The following TMEM266 variants were observed in gnomAD, a reference collection of about 807,000 sequenced individuals.
TMEM266 encodes Hv1 related protein 1.
A neutral mutation model predicts 50.5 loss-of-function variants in TMEM266; 33 were observed. The observed-to-expected ratio is 0.65, with a 90% CI of 0.50 to 0.87. TMEM266 has a LOEUF of 0.87. Ranked by LOEUF, TMEM266 falls within the 40% of genes least tolerant of loss-of-function variation. The pLI, the probability that TMEM266 is intolerant of heterozygous loss-of-function variation, is 0.00. For synonymous variants in TMEM266, 310 were observed against 292.3 expected (o/e 1.06, Z -0.62); for missense variants, 655 against 695.1 (o/e 0.94, Z 0.65).
chr15:76,184,725 C>T (rs1000248379), intron 8 of TMEM266, among the ~76,000 whole-genome samples: 6 of 152,272 alleles, frequency 3.9e-5, no homozygotes, highest in East Asian at 3.9e-4. Flanking sequence ...CCCGTCCTGC[C>T]GCCCCGGTGG....
At chr15:76,137,654 T>C (rs910487381) in intron 2 of TMEM266, 53 bp from the exon 3 acceptor site, 12 of 1,545,370 alleles carry the variant, frequency 7.8e-6, no homozygotes, top group Non-Finnish European at 8.9e-6. Context: ...AATGGAAGAA[T>C]TTTTTGGCCC....
At chr15:76,071,904 C>T (rs976529127) in intron 1 of TMEM266, among the ~76,000 whole-genome samples, 46 of 151,156 alleles carry the variant, frequency 3.0e-4, no homozygotes, top group Admixed American at 7.2e-4. Context: ...AGACCAGATT[C>T]GGCATTTTTT....
At position 76,161,048 on chromosome 15, in the gene TMEM266, TG is replaced by T. The variant is rs1253214348; in HGVS notation, c.456+881del. Among the ~76,000 whole-genome samples, 2 of 152,116 alleles carry T rather than the reference TG, an allele frequency of 1.3e-5. No homozygotes were observed. The highest frequency in any genetic ancestry group is 2.4e-5 in the African/African-American group (1 of 41,404). The stretch of plus-strand genomic sequence containing the variant: ...TGTCCCGTGCGCACTGGAGGGTCAC[TG>T]AAGGACAGGAGAGTTTCATGTGGAA... On this transcript the variant is annotated intron_variant, in intron 5 of 10. Transcript: ENST00000388942. This position sits in a 1 kb window ranked among gnomAD's most constrained non-coding sequence, Gnocchi z 4.1.
chr15:76,127,540 G>A (rs2037442556), intron 1 of TMEM266, among the ~76,000 whole-genome samples: 1 of 152,016 alleles, frequency 6.6e-6, no homozygotes, highest in Non-Finnish European at 1.5e-5. Context: ...TGGCCAAGCT[G>A]GCCTCTTACT....
intron 8 of TMEM266, chr15:76,180,934 G>C (rs2038394864): frequency 6.6e-6 from 1 of 152,178 alleles, no homozygotes; most frequent in African/African-American, 2.4e-5. Flanking sequence ...TTTTAAGAAA[G>C]ATTACATTGC....
At chr15:76,138,362 C>T (rs572256795) in intron 3 of TMEM266, among the ~76,000 whole-genome samples, 8 of 152,164 alleles carry the variant, frequency 5.3e-5, no homozygotes, top group Admixed American at 1.3e-4. Flanking sequence ...TTCCTACTCA[C>T]GCATTACTTC....
chr15:76,202,245 T>A lies in TMEM266; in HGVS notation c.1002T>A (p.Tyr334Ter). Residue 334 changes from tyrosine to a stop codon, truncating the protein, a stop_gained, in exon 10 of 11, where the codon TAT (tyrosine) becomes TAA (stop). Coordinates refer to ENST00000388942, the MANE Select transcript of TMEM266 (RefSeq NM_152335.3). LOFTEE classifies it low-confidence loss of function (END_TRUNC). ...ACATGAACAGCTACATCAGTCAGTA[T>A]TACAATGGGCCCAGCAGTGGTAAGT... is the stretch of plus-strand genomic sequence containing the variant. The A allele has an allele frequency of 6.2e-7, 1 of 1,613,914 alleles. No homozygotes were observed. Among genetic ancestry groups the A allele is most frequent in the Non-Finnish European group, 8.5e-7 (1 of 1,179,842 alleles).
intron 2 of TMEM266, among the ~76,000 whole-genome samples, chr15:76,137,083 C>T (rs2037601857): frequency 1.3e-5 from 2 of 152,074 alleles, no homozygotes; most frequent in African/African-American, 2.4e-5. Context: ...CCCCTATTCC[C>T]AACCTTAAGA....
intron 1 of TMEM266, among the ~76,000 whole-genome samples, chr15:76,074,008 A>G (rs2036572669): frequency 6.6e-6 from 1 of 151,314 alleles, no homozygotes; most frequent in Non-Finnish European, 1.5e-5. Context: ...GTCGAATACT[A>G]TTGCCACACT....
In TMEM266 at chr15:76,204,000, G is replaced by A. The variant is rs759324441; in HGVS notation, c.1281G>A (p.Pro427=). The A allele has an allele frequency of 6.8e-6, 11 of 1,608,260 alleles. No individual in the cohort carries two copies. The highest frequency in any genetic ancestry group is 2.2e-5 in the East Asian group (1 of 44,688). ...CCTCTGAGCCCGGCCCTTCTCCCCC[G>A]CCGCTGCCATCCCAGCAGCAGGTGG... Residue 427 remains proline (P), a synonymous_variant, in exon 11 of 11, where the codon CCG becomes CCA. Coordinates refer to ENST00000388942, the MANE Select transcript of TMEM266 (RefSeq NM_152335.3).
At chr15:76,126,623 C>T (rs2037427830) in intron 1 of TMEM266, among the ~76,000 whole-genome samples, 1 of 151,860 alleles carries the variant, frequency 6.6e-6, no homozygotes, top group South Asian at 2.1e-4. Context: ...CCTCCGCCTC[C>T]CGAGTTCAAG....
intron 1 of TMEM266, among the ~76,000 whole-genome samples, chr15:76,132,147 C>T (rs1187101055): frequency 1.3e-5 from 2 of 150,858 alleles, no homozygotes; most frequent in African/African-American, 4.9e-5. Flanking sequence ...CTCGCTCTGT[C>T]GCCTAGGCTG....
rs544957346 is a variant in TMEM266 at position 76,171,705 on chromosome 15, C to G, written c.652+574C>G. Among the ~76,000 whole-genome samples the G allele has an allele frequency of 1.4e-4, 22 of 152,350 alleles. No homozygotes were observed. In the South Asian group the frequency reaches 3.9e-3, roughly 27 times the overall value. On this transcript the variant is annotated intron_variant, in intron 7 of 10. Coordinates refer to ENST00000388942, the MANE Select transcript of TMEM266 (RefSeq NM_152335.3). ...GCTTCTGTCATCTTTAGTGACGTGC[C>G]TTTCCATCCCTGGGTCTCCATTTGC...
chr15:76,202,394 C>A, intron 10 of TMEM266, 130 bp downstream of exon 10: 1 of 808,862 alleles, frequency 1.2e-6, no homozygotes, highest in South Asian at 2.0e-5. Context: ...AGGCAGTGCT[C>A]AAGGTTAAAA....
intron 1 of TMEM266, among the ~76,000 whole-genome samples, chr15:76,130,374 C>T (rs2037490926): frequency 6.6e-6 from 1 of 151,092 alleles, no homozygotes. Context: ...CCCGTCTCTA[C>T]TAATAATATA....
chr15:76,181,107 C>G (rs963422009), intron 8 of TMEM266: 2 of 152,184 alleles, frequency 1.3e-5, no homozygotes, highest in African/African-American at 4.8e-5. Context: ...GATGAAAGGT[C>G]CCTGGGGAGG....
At chr15:76,121,332 A>T (rs928797513) in intron 1 of TMEM266, among the ~76,000 whole-genome samples, 1 of 152,218 alleles carries the variant, frequency 6.6e-6, no homozygotes, top group African/African-American at 2.4e-5. Flanking sequence ...ATAATGTATC[A>T]GTGCTCTATT....
intron 1 of TMEM266, among the ~76,000 whole-genome samples, chr15:76,132,144 T>C (rs1233673081): frequency 1.3e-5 from 2 of 151,948 alleles, no homozygotes; most frequent in African/African-American, 4.8e-5. Flanking sequence ...AGTCTCGCTC[T>C]GTCGCCTAGG....
At chr15:76,083,995 T>C (rs535524525) in intron 1 of TMEM266, among the ~76,000 whole-genome samples, 1 of 152,226 alleles carries the variant, frequency 6.6e-6, no homozygotes, top group African/African-American at 2.4e-5. Context: ...TGGGGGGTGA[T>C]GTAATCAGTA....
Sources: allele counts gnomAD v4.1 joint callset (sites outside exome capture counted in the v4.1 genomes callset), GRCh38; gene constraint gnomAD v4.1.1; non-coding constraint Gnocchi (gnomAD v3.1); transcripts MANE v1.5; gene names NCBI Gene and HGNC (gene_info 2026-07-23, HGNC 2026-07-21).